MACROD2: variants seen among roughly 807,000 people sequenced by gnomAD.
The protein encoded by MACROD2 is ADP-ribose glycohydrolase MACROD2.
In MACROD2, 36 loss-of-function variants were observed where a neutral mutation model predicts 70.4. That is an observed-to-expected ratio of 0.51 (90% CI 0.39 to 0.68). MACROD2 has a LOEUF of 0.68. MACROD2 is among the 30% of genes least tolerant of loss of function. The probability of loss-of-function intolerance (pLI) is 0.00; values close to 1 mark genes in which losing one functional copy is unlikely to be tolerated. For missense variants in MACROD2, 496 were observed against 538.4 expected (o/e 0.92, Z 0.78); for synonymous variants, 172 against 178.8 (o/e 0.96, Z 0.30).
intron 10 of MACROD2, among the ~76,000 whole-genome samples, chr20:15,911,544 G>A (rs2065237589): frequency 6.6e-6 from 1 of 151,182 alleles, no homozygotes; most frequent in African/African-American, 2.5e-5. Context: ...CTGGAGGTGT[G>A]GAGAGAAGCT....
intron 5 of MACROD2, among the ~76,000 whole-genome samples, chr20:15,213,350 G>A (rs181988722): frequency 6.6e-6 from 1 of 152,018 alleles, no homozygotes; most frequent in East Asian, 1.9e-4. Context: ...TTTCTTCTTT[G>A]GACTTAAATT....
chr20:15,621,598 A>T (rs1479171690), intron 8 of MACROD2, among the ~76,000 whole-genome samples: 2 of 152,214 alleles, frequency 1.3e-5, no homozygotes, highest in Non-Finnish European at 2.9e-5. Context: ...AAGTTGAAAG[A>T]GAATAATTTG....
intron 8 of MACROD2, among the ~76,000 whole-genome samples, chr20:15,528,933 A>G (rs942621181): frequency 6.6e-6 from 1 of 152,068 alleles, no homozygotes; most frequent in Non-Finnish European, 1.5e-5. Context: ...ACTTACCATC[A>G]GTTTTGACCA....
chr20:15,499,732 C>T, intron 7 of MACROD2, 42 bp from the exon 8 acceptor site: 1 of 1,596,274 alleles, frequency 6.3e-7, no homozygotes. Flanking sequence ...CTTTTGCCTT[C>T]ATCTTTCGTT....
At chr20:14,627,378 C>A (rs1000440350) in intron 4 of MACROD2, among the ~76,000 whole-genome samples, 2 of 152,256 alleles carry the variant, frequency 1.3e-5, no homozygotes. Flanking sequence ...AGCACAGAAG[C>A]CCAGCCCTAC....
In MACROD2 at chr20:15,148,284, T is replaced by C. The variant is rs866002310; in HGVS notation, c.419-81656T>C. ...AGAAGAAACATTTGTCATGTAGAATTATTGGTGATGGCCTGGATACCGTTT... is the reference window on the plus strand; with the variant it reads ...AGAAGAAACATTTGTCATGTAGAATCATTGGTGATGGCCTGGATACCGTTT... On this transcript the variant is annotated intron_variant, in intron 5 of 17. Transcript: ENST00000684519. 2.3e-4 allele frequency among the ~76,000 whole-genome samples: 35 copies of C among 151,816 alleles called. 2 individuals are homozygous for C. The highest frequency in any genetic ancestry group is 7.5e-4 in the African/African-American group (31 of 41,202).
At chr20:14,822,520 T>A (rs1268945962) in intron 5 of MACROD2, among the ~76,000 whole-genome samples, 2 of 152,102 alleles carry the variant, frequency 1.3e-5, no homozygotes, top group African/African-American at 4.8e-5. Context: ...GTCTGGAGAG[T>A]GAAAGTGTTT....
At chr20:16,043,376 T>G (rs1482755738) in intron 16 of MACROD2, among the ~76,000 whole-genome samples, 1 of 152,122 alleles carries the variant, frequency 6.6e-6, no homozygotes, top group Non-Finnish European at 1.5e-5. Context: ...TTTGGTTGCC[T>G]AGGCTAGCTT....
chr20:14,199,251 T>C (rs1412390946), intron 3 of MACROD2, among the ~76,000 whole-genome samples: 1 of 152,232 alleles, frequency 6.6e-6, no homozygotes, highest in Non-Finnish European at 1.5e-5. Flanking sequence ...GACATTGTCT[T>C]TGTTGTACGT....
intron 5 of MACROD2, among the ~76,000 whole-genome samples, chr20:14,837,464 T>C (rs904837917): frequency 9.9e-5 from 15 of 152,054 alleles, no homozygotes; most frequent in African/African-American, 3.6e-4. Context: ...AATTGGAGTA[T>C]GAATGGATAT....
intron 8 of MACROD2, among the ~76,000 whole-genome samples, chr20:15,651,113 A>G (rs6110706): frequency 0.12 from 17,713 of 152,216 alleles, 1,608 homozygotes; most frequent in East Asian, 0.24. Flanking sequence ...TCCAGAGGCC[A>G]TATTTGGTAA....
chr20:14,786,561 G>GA (rs537631700), intron 5 of MACROD2, among the ~76,000 whole-genome samples: 44 of 142,214 alleles, frequency 3.1e-4, no homozygotes, highest in South Asian at 1.8e-3. Context: ...TATCAGAAAA[G>GA]AAAAAAAAAA....
rs35527803 is a variant in MACROD2, at chr20:15,003,222, C to T, written c.419-226718C>T. Among the ~76,000 whole-genome samples, 659 of 152,232 alleles carry T rather than the reference C, an allele frequency of 4.3e-3. 5 individuals are homozygous for T. Among genetic ancestry groups the T allele is most frequent in the African/African-American group, 0.015 (638 of 41,538 alleles). ...GCTGTTTTTGGCATAATCCTATGAACCTCAGCTTTCCAATGTAGTCAGGGG... is the reference window on the plus strand; with the variant it reads ...GCTGTTTTTGGCATAATCCTATGAATCTCAGCTTTCCAATGTAGTCAGGGG... On this transcript the variant is annotated intron_variant, in intron 5 of 17. Transcript: ENST00000684519.
chr20:15,234,334 T>C (rs1002355197), intron 6 of MACROD2, among the ~76,000 whole-genome samples: 3 of 148,812 alleles, frequency 2.0e-5, no homozygotes, highest in African/African-American at 7.4e-5. Flanking sequence ...GCCCGGCCTA[T>C]ATATATATAT....
chr20:15,826,347 C>G (rs1164036912), intron 8 of MACROD2, among the ~76,000 whole-genome samples: 1 of 152,062 alleles, frequency 6.6e-6, no homozygotes, highest in Non-Finnish European at 1.5e-5. Context: ...GAAAAAACAC[C>G]ACATTTACTG....
chr20:14,455,457 A>G (rs577480667), intron 3 of MACROD2, among the ~76,000 whole-genome samples: 4 of 152,040 alleles, frequency 2.6e-5, no homozygotes, highest in South Asian at 2.1e-4. Context: ...TAAGCCTCTC[A>G]TTGGTAAATC....
At chr20:14,001,441 A>G (rs1419706216) in intron 1 of MACROD2, among the ~76,000 whole-genome samples, 3 of 152,076 alleles carry the variant, frequency 2.0e-5, no homozygotes, top group East Asian at 3.9e-4. Context: ...AAGTAAATTG[A>G]TAGTGCAGTT....
intron 2 of MACROD2, among the ~76,000 whole-genome samples, chr20:14,044,168 T>C (rs2053433227): frequency 6.6e-6 from 1 of 152,000 alleles, no homozygotes. Flanking sequence ...TTCTGGTGGG[T>C]TCGTGGTCTC....
At chr20:15,381,974 A>G (rs139653318) in intron 6 of MACROD2, among the ~76,000 whole-genome samples, 125 of 152,292 alleles carry the variant, frequency 8.2e-4, no homozygotes, top group Non-Finnish European at 1.5e-3. Flanking sequence ...CCAGGTGACA[A>G]ATCCCTAGCT....
Sources: gnomAD v4.1 joint callset for allele counts (sites outside exome capture counted in the v4.1 genomes callset) on GRCh38, gnomAD v4.1.1 for gene constraint, MANE v1.5 for transcripts, NCBI Gene and HGNC (gene_info 2026-07-23, HGNC 2026-07-21) for gene names.